Variants in IFT43 observed in about 807,000 individuals in gnomAD.
The protein encoded by IFT43 is intraflagellar transport protein 43 homolog.
A neutral mutation model predicts 32.3 loss-of-function variants in IFT43; 33 were observed. The ratio of observed to expected loss-of-function variants is 1.02; its 90% CI spans 0.77 to 1.37. The LOEUF (loss-of-function observed/expected upper bound fraction) is 1.37. IFT43 is among the 40% of genes most tolerant of loss of function. The pLI, the probability that IFT43 is intolerant of heterozygous loss-of-function variation, is 0.00. For missense variants in IFT43, 274 were observed against 265.9 expected (o/e 1.03, Z -0.21); for synonymous variants, 93 against 98.2 (o/e 0.95, Z 0.31).
At chr14:76,076,009 T>C (rs1238473002) in intron 5 of IFT43, among the ~76,000 whole-genome samples, 1 of 152,208 alleles carries the variant, frequency 6.6e-6, no homozygotes, top group Non-Finnish European at 1.5e-5. Flanking sequence ...ACTGCTCTTA[T>C]TGGGGTGTCC....
chr14:76,064,788 A>G (rs2037200500), intron 5 of IFT43, among the ~76,000 whole-genome samples: 1 of 152,238 alleles, frequency 6.6e-6, no homozygotes, highest in Non-Finnish European at 1.5e-5. Flanking sequence ...AAACTTCTAA[A>G]TGGAAACACG....
chr14:76,059,298 G>C, intron 4 of IFT43, 29 bp from the exon 5 acceptor site: 2 of 1,613,808 alleles, frequency 1.2e-6, no homozygotes, highest in Non-Finnish European at 1.7e-6. Context: ...CTCATTTTTT[G>C]CTGTCCTTTT....
intron 3 of IFT43, among the ~76,000 whole-genome samples, chr14:76,024,084 A>G (rs1382449555): frequency 6.6e-6 from 1 of 152,210 alleles, no homozygotes; most frequent in Non-Finnish European, 1.5e-5. Context: ...AACAACAACA[A>G]AATAAGGCAA....
intron 2 of IFT43, among the ~76,000 whole-genome samples, chr14:76,012,649 C>T (rs1347604472): frequency 6.6e-6 from 1 of 152,236 alleles, no homozygotes; most frequent in Non-Finnish European, 1.5e-5. Flanking sequence ...TGCTCATTTC[C>T]CACACTCGGA....
At chr14:76,044,854 TTCC>T (rs967656046) in intron 3 of IFT43, among the ~76,000 whole-genome samples, 6 of 152,218 alleles carry the variant, frequency 3.9e-5, no homozygotes, top group African/African-American at 7.2e-5. Context: ...ACCGCTCCTC[TTCC>T]TCCTCCTCCT....
chr14:76,060,023 T>C (rs1046346612), intron 5 of IFT43, among the ~76,000 whole-genome samples: 6 of 152,152 alleles, frequency 3.9e-5, no homozygotes, highest in African/African-American at 1.4e-4. Flanking sequence ...GCATCTCCAG[T>C]GTGTGACGCA....
intron 3 of IFT43, among the ~76,000 whole-genome samples, chr14:76,042,021 C>G (rs900880755): frequency 1.2e-4 from 18 of 152,128 alleles, no homozygotes; most frequent in Non-Finnish European, 2.5e-4. Flanking sequence ...TCCTCAGAAA[C>G]AGATTCTGGC....
intron 5 of IFT43, among the ~76,000 whole-genome samples, chr14:76,062,354 G>A (rs111560148): frequency 0.014 from 2,093 of 152,144 alleles, 20 homozygotes; most frequent in Non-Finnish European, 0.021. Flanking sequence ...ACAGGTGTGA[G>A]CCACCGCGCC....
intron 2 of IFT43, among the ~76,000 whole-genome samples, chr14:75,989,642 A>T (rs2139862395): frequency 6.6e-6 from 1 of 152,318 alleles, no homozygotes; most frequent in East Asian, 1.9e-4. Flanking sequence ...AGGCTGACTT[A>T]GCAGTCCTTC....
At chr14:76,003,172 G>C (rs2035921457) in intron 2 of IFT43, among the ~76,000 whole-genome samples, 3 of 152,130 alleles carry the variant, frequency 2.0e-5, no homozygotes, top group Admixed American at 2.0e-4. Flanking sequence ...CTTTTACCCA[G>C]TATAATAGAG....
chr14:76,074,911 T>C (rs2037386158), intron 5 of IFT43, among the ~76,000 whole-genome samples: 1 of 152,168 alleles, frequency 6.6e-6, no homozygotes, highest in South Asian at 2.1e-4. Context: ...CTGTCACAGC[T>C]TAGGGGGCTG....
chr14:76,058,702 G>T, intron 4 of IFT43, 28 bp downstream of exon 4: 1 of 1,610,302 alleles, frequency 6.2e-7, no homozygotes, highest in South Asian at 1.1e-5. Flanking sequence ...TTATTCTTAT[G>T]GTATCCTATG....
intron 2 of IFT43, among the ~76,000 whole-genome samples, chr14:75,999,255 A>AATATTCATTTATATATAAATTCATTT (rs1371196849): frequency 9.5e-5 from 1 of 10,500 alleles, no homozygotes; most frequent in Non-Finnish European, 1.7e-4. Context: ...ATATATATAT[A>AATATTCATTTATATATAAATTCATTT]TATATATATA....
In IFT43 at chr14:76,022,346, C is replaced by G. The variant is rs568469403; in HGVS notation, c.167C>G (p.Pro56Arg). ...LTGETSSAKL[P>R]RCRQGGWAGD... Reference sequence around the variant, plus strand: ...TTGTAGACTTCCTCTGCTAAATTACCTCGCTGCCGACAGGGAGGCTGGGCA... The same window carrying G: ...TTGTAGACTTCCTCTGCTAAATTACGTCGCTGCCGACAGGGAGGCTGGGCA... Residue 56 changes from proline to arginine, a missense_variant, in exon 3 of 9, where the codon CCT becomes CGT. Physicochemically the swap from Pro to Arg is moderately radical, Grantham distance 103. Coordinates refer to ENST00000314067, the MANE Select transcript of IFT43 (RefSeq NM_001102564.3). The G allele has an allele frequency of 6.2e-7, 1 of 1,613,562 alleles. No individual in the cohort carries two copies. The highest frequency in any genetic ancestry group is 8.5e-7 in the Non-Finnish European group (1 of 1,179,572).
At chr14:76,029,254 G>C (rs551505003) in intron 3 of IFT43, among the ~76,000 whole-genome samples, 2 of 152,212 alleles carry the variant, frequency 1.3e-5, no homozygotes, top group Admixed American at 1.3e-4. Context: ...TTGGCTGCTT[G>C]TATGTCTTCT....
chr14:76,027,634 G>A (rs1240145875), intron 3 of IFT43, among the ~76,000 whole-genome samples: 1 of 151,260 alleles, frequency 6.6e-6, no homozygotes, highest in Admixed American at 6.6e-5. Flanking sequence ...GTGTGAACCC[G>A]GGAAGTGGAG....
intron 2 of IFT43, among the ~76,000 whole-genome samples, chr14:75,996,662 G>A (rs766830124): frequency 3.9e-5 from 6 of 152,128 alleles, no homozygotes; most frequent in Non-Finnish European, 8.8e-5. Flanking sequence ...TATGCCATTG[G>A]CCAGTTGTTT....
chr14:76,010,323 T>C (rs1014018346), intron 2 of IFT43, among the ~76,000 whole-genome samples: 3 of 152,316 alleles, frequency 2.0e-5, no homozygotes, highest in Admixed American at 1.3e-4. Flanking sequence ...GAATGTCCCA[T>C]TGTTTTTCAC....
intron 5 of IFT43, among the ~76,000 whole-genome samples, chr14:76,081,098 A>T (rs79478306): frequency 0.024 from 3,637 of 152,322 alleles, 117 homozygotes; most frequent in South Asian, 0.082. Context: ...CACAGTCGGA[A>T]GTCATAATAA....
Sources: gnomAD v4.1 joint callset for allele counts (sites outside exome capture counted in the v4.1 genomes callset) on GRCh38, gnomAD v4.1.1 for gene constraint, MANE v1.5 for transcripts, NCBI Gene and HGNC (gene_info 2026-07-23, HGNC 2026-07-21) for gene names.